The following STON1 variants were observed in gnomAD, a reference collection of about 807,000 sequenced individuals.
The protein encoded by STON1 is stonin 1, also known as stonin-1.
STON1 carries 79 observed loss-of-function variants against 60.9 expected under a neutral mutation model. The observed-to-expected ratio is 1.30, with a 90% CI of 1.08 to 1.56. The LOEUF (loss-of-function observed/expected upper bound fraction) is 1.56. Among genes scored for constraint, STON1 ranks in the 40% most tolerant of loss-of-function variants. The pLI is 0.00. For missense variants in STON1, 1,166 were observed against 858.9 expected (o/e 1.36, Z -4.47); for synonymous variants, 363 against 306.9 (o/e 1.18, Z -1.91).
At position 48,541,405 on chromosome 2, in the gene STON1, C is replaced by T. The variant is rs188287082; in HGVS notation, c.-48+11189C>T. Among the ~76,000 whole-genome samples the T allele has an allele frequency of 3.3e-3, 500 of 150,502 alleles. 3 individuals are homozygous for T. The highest frequency in any genetic ancestry group is 0.011 in the African/African-American group (458 of 40,894). On this transcript the variant is annotated intron_variant, in intron 1 of 3. Coordinates refer to ENST00000404752, the MANE Select transcript of STON1 (RefSeq NM_006873.4). ...TAAAATAGAATACAGCGAAGTCGGC[C>T]GGGTGCAGTGGCTCACACCTGTAAT...
At chr2:48,563,537 A>G (rs1672695646) in intron 1 of STON1, among the ~76,000 whole-genome samples, 1 of 152,236 alleles carries the variant, frequency 6.6e-6, no homozygotes, top group Non-Finnish European at 1.5e-5. Context: ...ACCCATGGTC[A>G]TAGCAGACAG....
chr2:48,584,377 C>T (rs766967720), intron 2 of STON1, among the ~76,000 whole-genome samples: 6 of 152,124 alleles, frequency 3.9e-5, no homozygotes, highest in Non-Finnish European at 5.9e-5. Context: ...AAGTGATTTT[C>T]CTGCCTCAGC....
At chr2:48,543,343 C>T (rs954219518) in intron 1 of STON1, among the ~76,000 whole-genome samples, 2 of 151,904 alleles carry the variant, frequency 1.3e-5, no homozygotes, top group African/African-American at 4.8e-5. Context: ...TTTTGGACAG[C>T]CAGTTTATTT....
chr2:48,533,995 C>G (rs1445241498), intron 1 of STON1, among the ~76,000 whole-genome samples: 1 of 152,074 alleles, frequency 6.6e-6, no homozygotes, highest in Admixed American at 6.6e-5. Flanking sequence ...TTTCGAACTC[C>G]TGATCTCAGG....
intron 1 of STON1, among the ~76,000 whole-genome samples, chr2:48,535,230 AAG>A (rs753509042): frequency 1.3e-5 from 2 of 152,142 alleles, no homozygotes; most frequent in South Asian, 2.1e-4. Context: ...TGGAATAAGA[AAG>A]AGAAAAAAAA....
At chr2:48,577,615 G>T (rs546101509) in intron 1 of STON1, among the ~76,000 whole-genome samples, 16 of 151,234 alleles carry the variant, frequency 1.1e-4, no homozygotes, top group Admixed American at 2.6e-4. Context: ...AGGTTTTTTT[G>T]TTTGTTTGTT....
intron 2 of STON1, among the ~76,000 whole-genome samples, chr2:48,585,782 G>A (rs1220441958): frequency 6.6e-6 from 1 of 152,230 alleles, no homozygotes; most frequent in South Asian, 2.1e-4. Context: ...AATGCCTATT[G>A]GAAACTCCTG....
intron 3 of STON1, 26 bp downstream of exon 3, chr2:48,591,881 T>A (rs1232954401): frequency 1.9e-6 from 3 of 1,609,344 alleles, no homozygotes; most frequent in Non-Finnish European, 8.5e-7. Context: ...TCTAGAACTG[T>A]GACCTGATTT....
At chr2:48,554,747 TTGA>T (rs1672250206) in intron 1 of STON1, among the ~76,000 whole-genome samples, 1 of 66,086 alleles carries the variant, frequency 1.5e-5, no homozygotes, top group Admixed American at 1.5e-4. Context: ...TATTTTTTTA[TTGA>T]TAATTCTTGG....
intron 2 of STON1, among the ~76,000 whole-genome samples, chr2:48,583,896 C>T (rs1344187218): frequency 4.0e-5 from 6 of 151,830 alleles, no homozygotes; most frequent in East Asian, 1.9e-4. Flanking sequence ...GAACTACAGG[C>T]GCCCACCACC....
intron 1 of STON1, among the ~76,000 whole-genome samples, chr2:48,550,946 C>G (rs1237289994): frequency 6.6e-6 from 1 of 151,894 alleles, no homozygotes; most frequent in Non-Finnish European, 1.5e-5. Flanking sequence ...TTGGCATTCA[C>G]TCTTTTTCTT....
intron 1 of STON1, among the ~76,000 whole-genome samples, chr2:48,533,662 CAAAA>C (rs57217272): frequency 1.6e-4 from 9 of 56,316 alleles, no homozygotes; most frequent in African/African-American, 4.0e-4. Flanking sequence ...AACTCCGTCT[CAAAA>C]AAAAAAAAAA....
intron 2 of STON1, among the ~76,000 whole-genome samples, chr2:48,585,235 T>C (rs143994125): frequency 6.9e-6 from 1 of 145,638 alleles, no homozygotes; most frequent in East Asian, 2.1e-4. Context: ...ACTGAGATGA[T>C]GTTTCCTGCT....
At chr2:48,563,344 G>T (rs1672685133) in intron 1 of STON1, among the ~76,000 whole-genome samples, 1 of 152,240 alleles carries the variant, frequency 6.6e-6, no homozygotes, top group African/African-American at 2.4e-5. Flanking sequence ...TCAAAAGCAA[G>T]AGCTCATTCC....
chr2:48,550,836 C>T (rs1672072739), intron 1 of STON1, among the ~76,000 whole-genome samples: 1 of 151,666 alleles, frequency 6.6e-6, no homozygotes, highest in Admixed American at 6.6e-5. Flanking sequence ...AGTTATTGCT[C>T]AAGGCATTAC....
At chr2:48,574,161 A>C (rs1402724107) in intron 1 of STON1, among the ~76,000 whole-genome samples, 1 of 152,112 alleles carries the variant, frequency 6.6e-6, no homozygotes, top group Non-Finnish European at 1.5e-5. Flanking sequence ...GGATCACTTG[A>C]GATCAGGAGT....
chr2:48,576,253 G>C (rs929579242), intron 1 of STON1, among the ~76,000 whole-genome samples: 8 of 132,590 alleles, frequency 6.0e-5, no homozygotes, highest in African/African-American at 2.3e-4. Flanking sequence ...AGTGCAGTGG[G>C]ATCTCTGCTC....
At chr2:48,531,548 T>TGGGTCTGGACAGATC (rs1457392168) in intron 1 of STON1, 1 of 152,308 alleles carries the variant, frequency 6.6e-6, no homozygotes, top group Non-Finnish European at 1.5e-5. Flanking sequence ...AATTCTCGGA[T>TGGGTCTGGACAGATC]GGGTCTGGAC....
At chr2:48,536,107 T>C (rs1363947751) in intron 1 of STON1, among the ~76,000 whole-genome samples, 1 of 151,010 alleles carries the variant, frequency 6.6e-6, no homozygotes, top group Non-Finnish European at 1.5e-5. Flanking sequence ...TCAAAAAACC[T>C]AAAAACCAAA....
Sources: allele counts gnomAD v4.1 joint callset (sites outside exome capture counted in the v4.1 genomes callset), GRCh38; gene constraint gnomAD v4.1.1; transcripts MANE v1.5; gene names NCBI Gene and HGNC (gene_info 2026-07-23, HGNC 2026-07-21).